Variants in MYL12B observed in about 807,000 individuals in gnomAD.
MYL12B encodes myosin light chain 12B, also known as myosin regulatory light chain 12B.
A neutral mutation model predicts 12.9 loss-of-function variants in MYL12B; 3 were observed. The ratio of observed to expected loss-of-function variants is 0.23; its 90% CI spans 0.11 to 0.60. The LOEUF is 0.60. Ranked by LOEUF, MYL12B falls within the 20% of genes least tolerant of loss-of-function variation. MYL12B has a pLI of 0.89. For synonymous variants in MYL12B, 57 were observed against 71.9 expected (o/e 0.79, Z 1.05); for missense variants, 120 against 215.4 (o/e 0.56, Z 2.77).
chr18:3,276,952 T>TA, intron 2 of MYL12B: 2 of 973,540 alleles, frequency 2.1e-6, no homozygotes, highest in Non-Finnish European at 2.4e-6. Flanking sequence ...TAAGATGTAA[T>TA]AATGTGGCAC....
intron 1 of MYL12B, among the ~76,000 whole-genome samples, chr18:3,264,782 ACTAAT>A (rs578095261): frequency 1.3e-5 from 2 of 152,226 alleles, no homozygotes; most frequent in Non-Finnish European, 2.9e-5. Flanking sequence ...CAAAAACAAA[ACTAAT>A]CTATGGTGAT....
chr18:3,273,725 C>A (rs998028283), intron 2 of MYL12B, among the ~76,000 whole-genome samples: 2 of 152,056 alleles, frequency 1.3e-5, no homozygotes, highest in African/African-American at 2.4e-5. Flanking sequence ...GCAAAGGAGA[C>A]CTTGATAGGC....
chr18:3,265,740 A>G (rs1291870213), intron 1 of MYL12B, among the ~76,000 whole-genome samples: 3 of 152,146 alleles, frequency 2.0e-5, no homozygotes, highest in Non-Finnish European at 4.4e-5. Flanking sequence ...TTGAGACTCC[A>G]ATTAGAAAGC....
At chr18:3,272,070 A>AGACT in intron 1 of MYL12B, 1 of 985,232 alleles carries the variant, frequency 1.0e-6, no homozygotes, top group African/African-American at 1.7e-5. Context: ...GTTCAGCATT[A>AGACT]GACTGGTATT....
chr18:3,273,220 G>A, intron 2 of MYL12B, 138 bp downstream of exon 2: 1 of 970,876 alleles, frequency 1.0e-6, no homozygotes, highest in Non-Finnish European at 1.4e-6. Context: ...TGTGGGAGGT[G>A]CTATTTTGGG....
rs141338639 is a variant in MYL12B, at chr18:3,274,508, C to T, written c.184+1426C>T. On this transcript the variant is annotated intron_variant, in intron 2 of 3. Coordinates refer to ENST00000237500, the MANE Select transcript of MYL12B (RefSeq NM_033546.4). ...ATTCACAGAGACTCCAGTGCAGCCACGTGGTAGAAGAAGATTTATAGACAA... is the reference window on the plus strand; with the variant it reads ...ATTCACAGAGACTCCAGTGCAGCCATGTGGTAGAAGAAGATTTATAGACAA... Among the ~76,000 whole-genome samples, 808 of 152,116 alleles carry T rather than the reference C, an allele frequency of 5.3e-3. 9 individuals are homozygous for T. Among genetic ancestry groups the T allele is most frequent in the Middle Eastern group, 0.027 (8 of 294 alleles).
At chr18:3,267,207 G>A (rs1482319103) in intron 1 of MYL12B, among the ~76,000 whole-genome samples, 6 of 152,180 alleles carry the variant, frequency 3.9e-5, no homozygotes, top group Non-Finnish European at 7.3e-5. Context: ...AGGTGATTCT[G>A]ATGTGCAGCC....
chr18:3,277,452 C>CTA, intron 3 of MYL12B, 38 bp downstream of exon 3: 1 of 1,603,670 alleles, frequency 6.2e-7, no homozygotes, highest in South Asian at 1.1e-5. Flanking sequence ...TCATTCCACA[C>CTA]TATATAAAGT....
At chr18:3,270,158 T>C (rs1008432976) in intron 1 of MYL12B, among the ~76,000 whole-genome samples, 1 of 152,174 alleles carries the variant, frequency 6.6e-6, no homozygotes, top group Non-Finnish European at 1.5e-5. Flanking sequence ...AAGATACTTA[T>C]TTCAGAAGGG....
intron 1 of MYL12B, among the ~76,000 whole-genome samples, chr18:3,266,456 CTT>C (rs2144353785): frequency 1.6e-5 from 1 of 62,448 alleles, no homozygotes; most frequent in South Asian, 5.3e-4. Flanking sequence ...CGGGTCAACA[CTT>C]TTCATTGTTG....
At chr18:3,276,462 T>C in intron 2 of MYL12B, 1 of 985,000 alleles carries the variant, frequency 1.0e-6, no homozygotes, top group Non-Finnish European at 1.2e-6. Flanking sequence ...GTGTTCACAC[T>C]TGGAATGGAG....
intron 2 of MYL12B, among the ~76,000 whole-genome samples, chr18:3,276,043 T>C (rs1394523310): frequency 6.6e-6 from 1 of 152,034 alleles, no homozygotes; most frequent in Non-Finnish European, 1.5e-5. Context: ...TTTGACTTAG[T>C]TGGGTATAAT....
At chr18:3,277,179 A>C (rs1598810958) in intron 2 of MYL12B, 74 bp from the exon 3 acceptor site, 1 of 1,363,826 alleles carries the variant, frequency 7.3e-7, no homozygotes, top group East Asian at 2.5e-5. Context: ...TATGTTGGGG[A>C]GCATAATAAT....
At chr18:3,275,063 ACC>A (rs2081717403) in intron 2 of MYL12B, among the ~76,000 whole-genome samples, 1 of 151,844 alleles carries the variant, frequency 6.6e-6, no homozygotes, top group African/African-American at 2.4e-5. Flanking sequence ...ATTTGAAAAC[ACC>A]GTAAGTGTCC....
intron 1 of MYL12B, among the ~76,000 whole-genome samples, chr18:3,264,363 C>T (rs181410858): frequency 6.0e-4 from 91 of 152,308 alleles, no homozygotes; most frequent in African/African-American, 2.1e-3. Flanking sequence ...GTGCAAGGCA[C>T]ACTGCTAAGT....
At chr18:3,266,610 G>C (rs887784405) in intron 1 of MYL12B, among the ~76,000 whole-genome samples, 6 of 152,074 alleles carry the variant, frequency 3.9e-5, no homozygotes, top group Non-Finnish European at 1.5e-5. Context: ...GAGATGTAGG[G>C]AGTAGAGGGG....
At chr18:3,274,598 G>A (rs1321268283) in intron 2 of MYL12B, among the ~76,000 whole-genome samples, 1 of 152,180 alleles carries the variant, frequency 6.6e-6, no homozygotes, top group African/African-American at 2.4e-5. Flanking sequence ...ATTACAGCTC[G>A]GCATATGCCT....
At chr18:3,264,739 A>AT (rs1484724443) in intron 1 of MYL12B, among the ~76,000 whole-genome samples, 1 of 152,206 alleles carries the variant, frequency 6.6e-6, no homozygotes, top group Non-Finnish European at 1.5e-5. Context: ...ATATATATGA[A>AT]TATATACTGT....
intron 1 of MYL12B, among the ~76,000 whole-genome samples, chr18:3,268,814 G>T: frequency 6.6e-6 from 1 of 152,168 alleles, no homozygotes; most frequent in Non-Finnish European, 1.5e-5. Context: ...TCTGCCACTA[G>T]GTGACCTTGG....
Sources: allele counts gnomAD v4.1 joint callset (sites outside exome capture counted in the v4.1 genomes callset), GRCh38; gene constraint gnomAD v4.1.1; transcripts MANE v1.5; gene names NCBI Gene and HGNC (gene_info 2026-07-23, HGNC 2026-07-21).